Variants in DROSHA observed in about 807,000 individuals in gnomAD.
The protein encoded by DROSHA is ribonuclease 3.
In DROSHA, 56 loss-of-function variants were observed where a neutral mutation model predicts 181.9. The observed-to-expected ratio is 0.31, with a 90% confidence interval of 0.25 to 0.38. The LOEUF (loss-of-function observed/expected upper bound fraction) is 0.38. Among genes scored for constraint, DROSHA ranks in the 10% least tolerant of loss-of-function variants. DROSHA has a pLI of 1.00. For synonymous variants in DROSHA, 524 were observed against 591.2 expected, an observed-to-expected ratio of 0.89 and a Z score of 1.65; for missense variants, 1,218 against 1,743.5, an observed-to-expected ratio of 0.70 and a Z score of 5.37.
rs371286084 is a variant in DROSHA at position 31,409,198 on chromosome 5, G to A, written c.3751-39C>T. ...CCAAAACTATTTAGTAATGGGTTCTGGAATCACCAAACATAAAGCAGACCA... is the reference window on the plus strand; with the variant it reads ...CCAAAACTATTTAGTAATGGGTTCTAGAATCACCAAACATAAAGCAGACCA... On this transcript the variant is annotated intron_variant, in intron 32 of 35. Coordinates refer to ENST00000344624, the MANE Select transcript of DROSHA (RefSeq NM_001382508.1). The surrounding 1 kb of genome is among the most constrained non-coding windows in gnomAD (Gnocchi z 4.0). 9.9e-6 allele frequency: 16 copies of A among 1,608,976 alleles called. No homozygotes were observed. The highest frequency in any genetic ancestry group is 1.4e-5 in the Non-Finnish European group (16 of 1,177,432).
chr5:31,430,421 G>A (rs138299008), intron 26 of DROSHA, among the ~76,000 whole-genome samples: 1 of 152,278 alleles, frequency 6.6e-6, no homozygotes, highest in East Asian at 1.9e-4. Flanking sequence ...TTGATTTGGG[G>A]GGACAGCTTA....
chr5:31,413,116 G>A (rs764639936), intron 30 of DROSHA, among the ~76,000 whole-genome samples: 19 of 152,208 alleles, frequency 1.2e-4, no homozygotes, highest in Admixed American at 2.0e-4. Flanking sequence ...TCCAGTGTCA[G>A]GGCCCCTCAC....
chr5:31,507,002 A>G (rs1738051643), intron 10 of DROSHA, among the ~76,000 whole-genome samples: 1 of 152,198 alleles, frequency 6.6e-6, no homozygotes, highest in Non-Finnish European at 1.5e-5. Flanking sequence ...CTTGCGAAAC[A>G]GGAAACAACA....
At chr5:31,485,854 G>A (rs1411797588) in intron 14 of DROSHA, among the ~76,000 whole-genome samples, 1 of 152,042 alleles carries the variant, frequency 6.6e-6, no homozygotes, top group Non-Finnish European at 1.5e-5. Flanking sequence ...CAGGGGCTCC[G>A]GAAATTGACC....
At chr5:31,528,040 T>C (rs1457840680) in intron 4 of DROSHA, among the ~76,000 whole-genome samples, 1 of 152,098 alleles carries the variant, frequency 6.6e-6, no homozygotes, top group Non-Finnish European at 1.5e-5. Context: ...CCTGACATGA[T>C]GCCTTCACTG....
At chr5:31,427,248 A>T (rs1429985582) in intron 27 of DROSHA, among the ~76,000 whole-genome samples, 3 of 152,156 alleles carry the variant, frequency 2.0e-5, no homozygotes, top group African/African-American at 7.2e-5. Context: ...GCATAGGAAA[A>T]ATCACATTAA....
At chr5:31,419,095 G>A (rs115356864) in intron 30 of DROSHA, among the ~76,000 whole-genome samples, 254 of 152,278 alleles carry the variant, frequency 1.7e-3, no homozygotes, top group African/African-American at 4.7e-3. Context: ...TGCAAAGTAG[G>A]CTGAGAAAGA....
chr5:31,437,472 A>G, intron 23 of DROSHA, 174 bp from the exon 24 acceptor site: 6 of 620,794 alleles, frequency 9.7e-6, no homozygotes, highest in Non-Finnish European at 1.7e-5. Flanking sequence ...GGCATCTGGC[A>G]CCTGCCTAAT....
chr5:31,411,606 T>C lies in DROSHA; in HGVS notation c.3526-719A>G, dbSNP rs1245378679. 6.6e-6 allele frequency among the ~76,000 whole-genome samples: 1 copy of C among 152,232 alleles called. No individual in the cohort carries two copies. The highest frequency in any genetic ancestry group is 1.5e-5 in the Non-Finnish European group (1 of 68,040). On this transcript the variant is annotated intron_variant, in intron 30 of 35. Transcript: ENST00000344624. The surrounding 1 kb of genome is among the most constrained non-coding windows in gnomAD (Gnocchi z 4.2). ...ATTTTAAAGATTTATGGTATCTAGC[T>C]TGAGTCTCAGTTTTTCATACTGATA...
chr5:31,503,426 A>G (rs1182512088), intron 11 of DROSHA, among the ~76,000 whole-genome samples: 2 of 152,070 alleles, frequency 1.3e-5, no homozygotes, highest in Non-Finnish European at 2.9e-5. Context: ...CTGCCCATCT[A>G]GTCTCCCTTC....
At chr5:31,423,484 C>G (rs1028233598) in intron 28 of DROSHA, among the ~76,000 whole-genome samples, 2 of 152,156 alleles carry the variant, frequency 1.3e-5, no homozygotes, top group African/African-American at 4.8e-5. Flanking sequence ...TAGGGACCAA[C>G]TTATTTTGGC....
At chr5:31,498,289 G>A (rs1434361454) in intron 11 of DROSHA, among the ~76,000 whole-genome samples, 1 of 151,956 alleles carries the variant, frequency 6.6e-6, no homozygotes, top group African/African-American at 2.4e-5. Flanking sequence ...ACTCCAGAGG[G>A]GGTTCAGACT....
chr5:31,405,767 C>CTTTTTT (rs67380927), intron 34 of DROSHA, 44 bp from the exon 35 acceptor site: 35 of 469,314 alleles, frequency 7.5e-5, no homozygotes, highest in Admixed American at 2.4e-4. Flanking sequence ...TTTCAAGATT[C>CTTTTTT]TTTTTTTTTT....
chr5:31,404,133 G>A (rs1740373144), intron 35 of DROSHA, among the ~76,000 whole-genome samples: 1 of 151,286 alleles, frequency 6.6e-6, no homozygotes, highest in Non-Finnish European at 1.5e-5. Context: ...CCTACCAAGG[G>A]TATGAACTTC....
intron 11 of DROSHA, among the ~76,000 whole-genome samples, chr5:31,495,702 C>T (rs1250978898): frequency 1.3e-5 from 2 of 152,242 alleles, no homozygotes; most frequent in African/African-American, 2.4e-5. Context: ...GGGACACCCA[C>T]TGGACTGCTA....
rs1217519435 is a variant in DROSHA, at chr5:31,483,624, A to C, written c.2001T>G (p.Pro667=). ...LELYDWNLKG[P]LFEDSPPCCP... ...AGCAGGGAGGGCTGTCTTCAAACAA[A>C]GGACCTGAAGCAAACAAATGAGAAA... Residue 667 remains proline (P), a synonymous_variant, in exon 16 of 36, where the codon CCT becomes CCG. Coordinates refer to ENST00000344624, the MANE Select transcript of DROSHA (RefSeq NM_001382508.1). 6.2e-7 allele frequency: 1 copy of C among 1,600,410 alleles called. No homozygotes were observed.
chr5:31,513,140 G>A (rs543234079), intron 8 of DROSHA, among the ~76,000 whole-genome samples: 1 of 152,306 alleles, frequency 6.6e-6, no homozygotes, highest in African/African-American at 2.4e-5. Context: ...GGGAGTCAAG[G>A]GATGAAAGGA....
intron 16 of DROSHA, among the ~76,000 whole-genome samples, chr5:31,472,575 C>G (rs1301568689): frequency 6.6e-6 from 1 of 152,070 alleles, no homozygotes; most frequent in Admixed American, 6.5e-5. Flanking sequence ...ATATACAGAA[C>G]CATGTTAGGT....
In DROSHA at chr5:31,486,623, A is replaced by G. The variant is rs1026311073; in HGVS notation, c.1843-61T>C. The G allele has an allele frequency of 2.0e-6, 3 of 1,488,720 alleles. No individual in the cohort carries two copies. The African/African-American group carries it at 4.2e-5, about 21-fold the overall frequency. The allele number at this position is 1,488,720 out of a possible 1,614,324, so 92.2% of individuals were successfully genotyped here. ...GTCTCCCTGCAGGCTCATATTATAC[A>G]CGTTTGTTACCTGACCCAAAAGGCC... On this transcript the variant is annotated intron_variant, in intron 13 of 35. Coordinates refer to ENST00000344624, the MANE Select transcript of DROSHA (RefSeq NM_001382508.1).
Sources: allele counts gnomAD v4.1 joint callset (sites outside exome capture counted in the v4.1 genomes callset), GRCh38; gene constraint gnomAD v4.1.1; non-coding constraint Gnocchi (gnomAD v3.1); transcripts MANE v1.5; gene names NCBI Gene and HGNC (gene_info 2026-07-23, HGNC 2026-07-21).